DLC1: variants seen among roughly 807,000 people sequenced by gnomAD.
The protein encoded by DLC1 is rho GTPase-activating protein 7.
DLC1 carries 54 observed loss-of-function variants against 140.3 expected under a neutral mutation model. The ratio of observed to expected loss-of-function variants is 0.38; its 90% confidence interval spans 0.31 to 0.48. DLC1 has a LOEUF of 0.48. DLC1 is among the 20% of genes least tolerant of loss of function. The pLI is 0.96. For synonymous variants in DLC1, 986 were observed against 728.1 expected, an observed-to-expected ratio of 1.35 and a Z score of -5.70; for missense variants, 2,536 against 1,907.0, an observed-to-expected ratio of 1.33 and a Z score of -6.14.
chr8:13,151,739 C>T (rs1728167184), intron 5 of DLC1, among the ~76,000 whole-genome samples: 1 of 152,076 alleles, frequency 6.6e-6, no homozygotes, highest in South Asian at 2.1e-4. Context: ...AAGTAGAAAA[C>T]AAAATGAAAA....
chr8:13,241,756 T>C (rs1220107336), intron 5 of DLC1, among the ~76,000 whole-genome samples: 1 of 152,180 alleles, frequency 6.6e-6, no homozygotes, highest in Non-Finnish European at 1.5e-5. Context: ...GATCCTGCTG[T>C]TCTGTTAGGA....
chr8:13,417,316 G>A (rs1044510391), intron 2 of DLC1, among the ~76,000 whole-genome samples: 8 of 151,364 alleles, frequency 5.3e-5, no homozygotes, highest in South Asian at 4.2e-4. Flanking sequence ...CCATTAACTC[G>A]TCATTTAGCA....
At chr8:13,151,725 T>C (rs557598883) in intron 5 of DLC1, among the ~76,000 whole-genome samples, 7 of 152,306 alleles carry the variant, frequency 4.6e-5, no homozygotes, top group African/African-American at 1.4e-4. Flanking sequence ...TATCAAAGAT[T>C]TAAAAGTAGA....
intron 1 of DLC1, among the ~76,000 whole-genome samples, chr8:13,520,346 C>T (rs1441823907): frequency 6.6e-6 from 1 of 152,120 alleles, no homozygotes; most frequent in Non-Finnish European, 1.5e-5. Context: ...AGCTGGAAAC[C>T]ATCATTCTCA....
intron 5 of DLC1, among the ~76,000 whole-genome samples, chr8:13,266,419 A>G (rs1169422411): frequency 2.0e-5 from 3 of 152,150 alleles, no homozygotes; most frequent in South Asian, 2.1e-4. Context: ...TCAGGAGCAC[A>G]TTACTCTATC....
intron 4 of DLC1, among the ~76,000 whole-genome samples, chr8:13,307,545 CCT>C (rs1340028871): frequency 8.5e-5 from 13 of 152,202 alleles, no homozygotes; most frequent in African/African-American, 2.4e-4. Flanking sequence ...TAAATTTACC[CCT>C]GATTGGGGGT....
intron 5 of DLC1, among the ~76,000 whole-genome samples, chr8:13,220,060 G>C (rs1002307264): frequency 1.3e-5 from 2 of 152,114 alleles, no homozygotes; most frequent in Non-Finnish European, 2.9e-5. Context: ...TGGGTACAGG[G>C]GTTTCCTTCT....
Position 13,470,322 on chromosome 8 carries a change from T to C in DLC1, c.1023+28727A>G, listed in dbSNP as rs117883965. Among the ~76,000 whole-genome samples the C allele has an allele frequency of 6.9e-3, 1,047 of 152,242 alleles. 6 individuals carry two copies. The highest frequency in any genetic ancestry group is 0.013 in the Admixed American group (192 of 15,292). Reference sequence around the variant, plus strand: ...AAATACTTGCAAACCATATATCTTATCCATTAGGAGATTCCTATCTAAACA... The same window carrying C: ...AAATACTTGCAAACCATATATCTTACCCATTAGGAGATTCCTATCTAAACA... On this transcript the variant is annotated intron_variant, in intron 2 of 17. Transcript: ENST00000276297.
chr8:13,406,206 G>A (rs992215634), intron 2 of DLC1, among the ~76,000 whole-genome samples: 1 of 42,028 alleles, frequency 2.4e-5, no homozygotes, highest in Non-Finnish European at 6.5e-5. Context: ...TTTCAGTGGA[G>A]ACAGGGTTTC....
In DLC1 at chr8:13,393,584, A is replaced by C. The variant is rs1194120753; in HGVS notation, c.1283T>G (p.Val428Gly). 6.2e-7 allele frequency: 1 copy of C among 1,614,106 alleles called. No individual in the cohort carries two copies. Among genetic ancestry groups the C allele is most frequent in the African/African-American group, 1.3e-5 (1 of 75,028 alleles). The change falls in exon 4 of 18, where the codon GTA (valine) becomes GGA (glycine). Residue 428 changes from valine to glycine, a missense_variant. Val to Gly is a moderately radical substitution (Grantham distance 109). Coordinates refer to ENST00000276297, the MANE Select transcript of DLC1 (RefSeq NM_182643.3). ...ESTDLPSSTP[V>G]ANSGTKPKTT... ...CTTGGGTTTGGTTCCAGAATTGGCT[A>C]CTGGAGTGGAAGATGGGAGGTCCGT...
chr8:13,151,330 T>G (rs188008984), intron 5 of DLC1, among the ~76,000 whole-genome samples: 1 of 152,326 alleles, frequency 6.6e-6, no homozygotes, highest in Non-Finnish European at 1.5e-5. Context: ...TTGAAGTGTT[T>G]TCAACTATTA....
At chr8:13,172,762 G>T (rs1825555992) in intron 5 of DLC1, among the ~76,000 whole-genome samples, 2 of 152,122 alleles carry the variant, frequency 1.3e-5, no homozygotes, top group African/African-American at 4.8e-5. Context: ...GATCTAACAG[G>T]GGATTTTAAA....
intron 1 of DLC1, among the ~76,000 whole-genome samples, chr8:13,556,595 T>C (rs539289189): frequency 6.6e-6 from 1 of 152,260 alleles, no homozygotes; most frequent in East Asian, 1.9e-4. Flanking sequence ...GTCATAAGCA[T>C]GGACCAAATG....
rs1167096554 is a variant in DLC1, at chr8:13,133,216, C to A, written c.1349-17559G>T. On this transcript the variant is annotated intron_variant, in intron 5 of 17. Transcript: ENST00000276297. ...TGGGCGAGAAGTCCGTGAGCCGGCG[C>A]TCCTGATGCGGAGAGGTGCGGCCAT... 2.8e-6 allele frequency: 4 copies of A among 1,420,108 alleles called. No homozygotes were observed. The East Asian group carries it at 7.9e-5, about 28-fold the overall frequency. 88.0% of individuals were successfully genotyped at this position (1,420,108 alleles called of 1,614,324 possible).
At chr8:13,242,345 G>A (rs1368040494) in intron 5 of DLC1, among the ~76,000 whole-genome samples, 3 of 151,600 alleles carry the variant, frequency 2.0e-5, no homozygotes, top group African/African-American at 4.8e-5. Context: ...TTAGAATAAT[G>A]AATCCTAAAC....
chr8:13,195,913 A>G (rs1037927371), intron 5 of DLC1, among the ~76,000 whole-genome samples: 1 of 152,236 alleles, frequency 6.6e-6, no homozygotes, highest in African/African-American at 2.4e-5. Context: ...TTGCCAATTT[A>G]GGACATTTTA....
At chr8:13,411,733 G>T (rs957966047) in intron 2 of DLC1, among the ~76,000 whole-genome samples, 1 of 151,954 alleles carries the variant, frequency 6.6e-6, no homozygotes, top group South Asian at 2.1e-4. Flanking sequence ...TAAAGAAAAT[G>T]GAAAGAGACT....
intron 2 of DLC1, among the ~76,000 whole-genome samples, chr8:13,472,531 T>C (rs937447285): frequency 6.6e-5 from 10 of 152,230 alleles, no homozygotes; most frequent in Non-Finnish European, 1.5e-4. Context: ...ACTGTGAGAA[T>C]TGGCCTGTGT....
At chr8:13,441,987 G>A (rs577219224) in intron 2 of DLC1, among the ~76,000 whole-genome samples, 1 of 152,256 alleles carries the variant, frequency 6.6e-6, no homozygotes, top group African/African-American at 2.4e-5. Flanking sequence ...AAACAGCATG[G>A]TACTGGTACC....
Sources: gnomAD v4.1 joint callset for allele counts (sites outside exome capture counted in the v4.1 genomes callset) on GRCh38, gnomAD v4.1.1 for gene constraint, MANE v1.5 for transcripts, NCBI Gene and HGNC (gene_info 2026-07-23, HGNC 2026-07-21) for gene names.